KCNK6: variants seen among roughly 807,000 people sequenced by gnomAD.
The protein encoded by KCNK6 is potassium channel subfamily K member 6.
KCNK6 carries 20 observed loss-of-function variants against 21.9 expected under a neutral mutation model. The observed-to-expected ratio is 0.91, with a 90% CI of 0.64 to 1.32. The LOEUF is 1.32. Ranked by LOEUF, KCNK6 falls within the 40% of genes most tolerant of loss-of-function variation. The pLI, the probability that KCNK6 is intolerant of heterozygous loss-of-function variation, is 0.00. For missense variants in KCNK6, 415 were observed against 433.1 expected (o/e 0.96, Z 0.37); for synonymous variants, 210 against 218.0 (o/e 0.96, Z 0.32).
chr19:38,325,231 C>T (rs1969695850), intron 1 of KCNK6: 1 of 169,886 alleles, frequency 5.9e-6, no homozygotes, highest in Non-Finnish European at 1.2e-5. Flanking sequence ...ATTCTTCTGC[C>T]TCAGCCTGCT....
Position 38,327,693 on chromosome 19 carries a change from C to G in KCNK6, c.*290C>G. 1 of 472,080 alleles carries G rather than the reference C, an allele frequency of 2.1e-6. No homozygotes were observed. 29.2% of individuals were successfully genotyped at this position (472,080 alleles called of 1,614,324 possible). A position where few individuals can be genotyped will look rare whatever the true frequency, so the allele number is the denominator to read the frequency against. ...TCTCTGGCATTCTCGCTGCCTCTGTCTTTCCCTCTTGCTGTCTCTGTTTCT... is the reference window on the plus strand; with the variant it reads ...TCTCTGGCATTCTCGCTGCCTCTGTGTTTCCCTCTTGCTGTCTCTGTTTCT... On this transcript the variant is annotated 3_prime_UTR_variant, in exon 3 of 3. Coordinates refer to ENST00000263372, the MANE Select transcript of KCNK6 (RefSeq NM_004823.3).
At chr19:38,320,395 C>T in intron 1 of KCNK6, 123 bp downstream of exon 1, 1 of 1,047,554 alleles carries the variant, frequency 9.5e-7, no homozygotes, top group South Asian at 1.6e-5. Context: ...TTCGGATCCC[C>T]CGAAAAGACC....
At chr19:38,325,975 G>A (rs1969702809) in intron 1 of KCNK6, among the ~76,000 whole-genome samples, 1 of 152,108 alleles carries the variant, frequency 6.6e-6, no homozygotes, top group African/African-American at 2.4e-5. Flanking sequence ...CTGCTGTGGT[G>A]GACAGGACCA....
intron 1 of KCNK6, among the ~76,000 whole-genome samples, chr19:38,322,921 T>G (rs1244097875): frequency 1.3e-5 from 2 of 152,100 alleles, no homozygotes; most frequent in African/African-American, 4.8e-5. Flanking sequence ...GAGACCAGCC[T>G]GGCCAACATG....
At position 38,331,301 on chromosome 19, in the gene KCNK6, G is replaced by C. The variant is rs993341503; in HGVS notation, c.*3898G>C. 6.6e-6 allele frequency: 1 copy of C among 152,174 alleles called. No individual in the cohort carries two copies. Among genetic ancestry groups the C allele is most frequent in the African/African-American group, 2.4e-5 (1 of 41,354 alleles). The allele number at this position is 152,174 out of a possible 1,614,324, so 9.4% of individuals were successfully genotyped here. On this transcript the variant is annotated 3_prime_UTR_variant, in exon 3 of 3. Transcript: ENST00000263372. The stretch of plus-strand genomic sequence containing the variant: ...GCCATGATCACACTACTGGACTCCA[G>C]CCTGGGCCATAGAGCAAGACCCTGT...
intron 1 of KCNK6, chr19:38,325,722 G>A (rs1969700427): frequency 5.3e-6 from 1 of 189,354 alleles, no homozygotes; most frequent in African/African-American, 2.4e-5. Flanking sequence ...GAGGAGAGAG[G>A]GGAGCATTCT....
intron 1 of KCNK6, among the ~76,000 whole-genome samples, chr19:38,321,432 C>T (rs1223800965): frequency 1.3e-5 from 2 of 152,248 alleles, no homozygotes; most frequent in East Asian, 1.9e-4. Flanking sequence ...CACCTGTTCC[C>T]TCTGGACCTG....
chr19:38,320,379 C>G (rs891721331), intron 1 of KCNK6, 107 bp downstream of exon 1: 7 of 1,201,702 alleles, frequency 5.8e-6, no homozygotes, highest in Non-Finnish European at 8.0e-6. Flanking sequence ...CCAATCCCCT[C>G]TGGGCTTCGG....
At chr19:38,321,262 G>A (rs1398941892) in intron 1 of KCNK6, among the ~76,000 whole-genome samples, 2 of 152,172 alleles carry the variant, frequency 1.3e-5, no homozygotes, top group Non-Finnish European at 2.9e-5. Flanking sequence ...CTGGACCTGG[G>A]CCTCTGCTCC....
rs376502715 is a variant in KCNK6 at position 38,328,872 on chromosome 19, AAGAG to A, written c.*1475_*1478del. The A allele has an allele frequency of 1.7e-5, 2 of 120,832 alleles. No homozygotes were observed. Among genetic ancestry groups the A allele is most frequent in the Admixed American group, 9.3e-5 (1 of 10,696 alleles). 7.5% of individuals were successfully genotyped at this position (120,832 alleles called of 1,614,324 possible). A position where few individuals can be genotyped will look rare whatever the true frequency, so the allele number is the denominator to read the frequency against. On this transcript the variant is annotated 3_prime_UTR_variant, in exon 3 of 3. Coordinates refer to ENST00000263372, the MANE Select transcript of KCNK6 (RefSeq NM_004823.3). Reference sequence around the variant, plus strand: ...AAAGAAAGAGAGAAAGAAAGAAAGAAAGAGAGAGAAAGAAAGAAAGAAAGAAAGG... The same window carrying A: ...AAAGAAAGAGAGAAAGAAAGAAAGAAAGAGAAAGAAAGAAAGAAAGAAAGG...
At chr19:38,325,331 A>T in intron 1 of KCNK6, 3 of 832,430 alleles carry the variant, frequency 3.6e-6, no homozygotes, top group Non-Finnish European at 4.3e-6. Flanking sequence ...TGGTCAGGCT[A>T]GTCTTGAACT....
At position 38,326,789 on chromosome 19, in the gene KCNK6, G is replaced by T. The variant is rs781339338; in HGVS notation, c.519G>T (p.Leu173Phe). ...CCCGGCGGGCGGCCTGCTGGCACTT[G>T]GTGGCCCTGTTGGGGGTCGTAGTGA... The part of the protein sequence containing the change: ...WDPRRAACWH[L>F]VALLGVVVTV... Residue 173 changes from leucine to phenylalanine, a missense_variant, in exon 2 of 3, where the codon TTG (leucine) becomes TTT (phenylalanine). Transcript: ENST00000263372. 1.9e-6 allele frequency: 3 copies of T among 1,605,844 alleles called. No homozygotes were observed. Among genetic ancestry groups the T allele is most frequent in the African/African-American group, 1.3e-5 (1 of 74,942 alleles).
Position 38,331,823 on chromosome 19 carries a change from T to C in KCNK6, c.*4420T>C, listed in dbSNP as rs1412042364. 2 of 152,204 alleles carry C rather than the reference T, an allele frequency of 1.3e-5. No individual in the cohort carries two copies. Among genetic ancestry groups the C allele is most frequent in the South Asian group, 2.1e-4 (1 of 4,832 alleles). The allele number at this position is 152,204 out of a possible 1,614,324, so 9.4% of individuals were successfully genotyped here. ...TTCACTCTACACAAGTAGTACCTAA[T>C]ATGGTGAGGTTGTTATGATTACAGA... is the stretch of plus-strand genomic sequence containing the variant. On this transcript the variant is annotated 3_prime_UTR_variant, in exon 3 of 3. Transcript: ENST00000263372.
intron 1 of KCNK6, chr19:38,325,433 A>G (rs957102586): frequency 1.6e-5 from 16 of 985,432 alleles, no homozygotes; most frequent in Middle Eastern, 1.0e-3. Flanking sequence ...CGCCCATTTT[A>G]GAATAGGGCA....
intron 1 of KCNK6, chr19:38,325,688 A>C (rs1438838571): frequency 3.9e-6 from 1 of 255,814 alleles, no homozygotes; most frequent in African/African-American, 2.3e-5. Context: ...TGAGAAGGTG[A>C]CATTTGGATG....
chr19:38,327,293 A>G lies in KCNK6; in HGVS notation c.832A>G (p.Ser278Gly). 2 of 1,613,714 alleles carry G rather than the reference A, an allele frequency of 1.2e-6. No individual in the cohort carries two copies. The highest frequency in any genetic ancestry group is 1.7e-6 in the Non-Finnish European group (2 of 1,180,012). ...LILLPPPCPA[S>G]FNADEDDRVD... is the part of the protein sequence containing the mutation. ...CCTGCTGCCCCCTCCGTGCCCTGCCAGTTTCAATGCGGATGAGGACGATCG... is the reference window on the plus strand; with the variant it reads ...CCTGCTGCCCCCTCCGTGCCCTGCCGGTTTCAATGCGGATGAGGACGATCG... Residue 278 changes from serine to glycine, a missense_variant, in exon 3 of 3, where the codon AGT becomes GGT. By Grantham distance (56) the Ser-to-Gly change is moderately conservative. Coordinates refer to ENST00000263372, the MANE Select transcript of KCNK6 (RefSeq NM_004823.3).
At chr19:38,321,683 A>G (rs1186459945) in intron 1 of KCNK6, among the ~76,000 whole-genome samples, 1 of 152,248 alleles carries the variant, frequency 6.6e-6, no homozygotes, top group Non-Finnish European at 1.5e-5. Flanking sequence ...CTCCCGGCCA[A>G]CAATAGGGGG....
Position 38,326,604 on chromosome 19 carries a change from A to C in KCNK6, c.334A>C (p.Thr112Pro). The C allele has an allele frequency of 6.2e-7, 1 of 1,610,256 alleles. No homozygotes were observed. Residue 112 changes from threonine (T) to proline (P), a missense_variant, in exon 2 of 3, where the codon ACA becomes CCA. Thr to Pro is a conservative substitution (Grantham distance 38). Transcript: ENST00000263372. ...CTTTACTCCCCTAGGCTATGGGTAC[A>C]CAACGCCACTGACTGATGCGGGCAA... The part of the protein sequence containing the change: ...TLITTVGYGY[T>P]TPLTDAGKAF...
rs763380154 is a variant in KCNK6 at position 38,326,597 on chromosome 19, T to C, written c.327T>C (p.Tyr109=). The change falls in exon 2 of 3, where the codon TAT becomes TAC. Residue 109 remains tyrosine (Y), a synonymous_variant. Coordinates refer to ENST00000263372, the MANE Select transcript of KCNK6 (RefSeq NM_004823.3). ...TTACTCTCTTTACTCCCCTAGGCTA[T>C]GGGTACACAACGCCACTGACTGATG... The part of the protein sequence containing the change: ...FASTLITTVG[Y]GYTTPLTDAG... 3.1e-6 allele frequency: 5 copies of C among 1,607,904 alleles called. No individual in the cohort carries two copies. Among genetic ancestry groups the C allele is most frequent in the Admixed American group, 3.4e-5 (2 of 59,664 alleles).
Sources: allele counts gnomAD v4.1 joint callset (sites outside exome capture counted in the v4.1 genomes callset), GRCh38; gene constraint gnomAD v4.1.1; transcripts MANE v1.5; gene names NCBI Gene and HGNC (gene_info 2026-07-23, HGNC 2026-07-21).